LRRC4C: variants seen among roughly 807,000 people sequenced by gnomAD.
The protein encoded by LRRC4C is leucine-rich repeat-containing protein 4C.
LRRC4C carries 5 observed loss-of-function variants against 33.6 expected under a neutral mutation model. The ratio of observed to expected loss-of-function variants is 0.15; its 90% CI spans 0.08 to 0.31. The LOEUF is 0.31. Ranked by LOEUF, LRRC4C falls within the 10% of genes least tolerant of loss-of-function variation. The pLI is 1.00. For synonymous variants in LRRC4C, 329 were observed against 302.0 expected, an observed-to-expected ratio of 1.09 and a Z score of -0.93; for missense variants, 560 against 796.7, an observed-to-expected ratio of 0.70 and a Z score of 3.58.
chr11:40,727,065 G>C (rs1947320101), intron 2 of LRRC4C, among the ~76,000 whole-genome samples: 1 of 152,068 alleles, frequency 6.6e-6, no homozygotes, highest in Non-Finnish European at 1.5e-5. Context: ...ATCTCTACAA[G>C]GAGAACTAGA....
chr11:40,169,052 G>C (rs1164179068), intron 5 of LRRC4C, among the ~76,000 whole-genome samples: 2 of 151,852 alleles, frequency 1.3e-5, no homozygotes, highest in Non-Finnish European at 2.9e-5. Flanking sequence ...CTTTGCAACG[G>C]AGCATTTTAA....
chr11:40,681,910 A>G lies in LRRC4C; in HGVS notation c.-406-33632T>C, dbSNP rs536075953. On this transcript the variant is annotated intron_variant, in intron 2 of 6. Transcript: ENST00000528697. ...AGCTAAGCTATGAGGACACAGAGGC[A>G]TAAAAATGATTCAATGGACTTTGGG... Among the ~76,000 whole-genome samples the G allele has an allele frequency of 2.6e-5, 4 of 152,314 alleles. No individual in the cohort carries two copies. In the South Asian group the frequency reaches 8.3e-4, roughly 32 times the overall value.
intron 3 of LRRC4C, among the ~76,000 whole-genome samples, chr11:40,644,043 G>A (rs190455718): frequency 2.6e-5 from 4 of 152,154 alleles, no homozygotes; most frequent in Admixed American, 1.3e-4. Flanking sequence ...TGGACACCCA[G>A]CAAATGCCAT....
At chr11:40,497,155 C>T (rs1335362280) in intron 3 of LRRC4C, among the ~76,000 whole-genome samples, 1 of 152,106 alleles carries the variant, frequency 6.6e-6, no homozygotes, top group African/African-American at 2.4e-5. Flanking sequence ...CCTGTAATCC[C>T]AGCAATTTGG....
chr11:40,521,219 A>G (rs1050718807), intron 3 of LRRC4C, among the ~76,000 whole-genome samples: 1 of 152,232 alleles, frequency 6.6e-6, no homozygotes, highest in African/African-American at 2.4e-5. Flanking sequence ...GGAAAAATTG[A>G]CAAAATATCT....
intron 1 of LRRC4C, among the ~76,000 whole-genome samples, chr11:41,113,407 A>G (rs1941952098): frequency 6.6e-6 from 1 of 152,092 alleles, no homozygotes; most frequent in Admixed American, 6.6e-5. Flanking sequence ...ATTAAGCAGC[A>G]TGTGTTCTGT....
At chr11:40,287,254 GTA>G (rs998747486) in intron 4 of LRRC4C, among the ~76,000 whole-genome samples, 20 of 102,196 alleles carry the variant, frequency 2.0e-4, no homozygotes, top group Admixed American at 8.7e-4. Context: ...TAATGTCACT[GTA>G]TGTGTGTGTG....
chr11:40,679,121 T>C (rs1944553844), intron 2 of LRRC4C, among the ~76,000 whole-genome samples: 1 of 152,204 alleles, frequency 6.6e-6, no homozygotes, highest in Admixed American at 6.5e-5. Context: ...TGTTATGTTT[T>C]AGCAAAGAGA....
At chr11:41,439,811 G>T (rs562092801) in intron 1 of LRRC4C, among the ~76,000 whole-genome samples, 1 of 152,028 alleles carries the variant, frequency 6.6e-6, no homozygotes, top group Non-Finnish European at 1.5e-5. Context: ...AAAGGAATAG[G>T]GTTTTGATGG....
intron 4 of LRRC4C, among the ~76,000 whole-genome samples, chr11:40,279,706 A>C (rs72891095): frequency 0.075 from 11,343 of 152,170 alleles, 534 homozygotes; most frequent in African/African-American, 0.12. Flanking sequence ...GAAACCACAG[A>C]TCTAAGAGGT....
At chr11:41,346,635 A>G (rs1025432751) in intron 1 of LRRC4C, among the ~76,000 whole-genome samples, 1 of 152,226 alleles carries the variant, frequency 6.6e-6, no homozygotes, top group African/African-American at 2.4e-5. Flanking sequence ...ATAATTCTGT[A>G]GTCAAAAAGT....
intron 1 of LRRC4C, among the ~76,000 whole-genome samples, chr11:41,192,048 A>G (rs980894526): frequency 2.6e-5 from 4 of 152,136 alleles, no homozygotes; most frequent in African/African-American, 9.6e-5. Flanking sequence ...TGGACCCTAG[A>G]TAGCCACACA....
At chr11:40,606,858 C>T (rs1419970679) in intron 3 of LRRC4C, among the ~76,000 whole-genome samples, 1 of 152,036 alleles carries the variant, frequency 6.6e-6, no homozygotes, top group Non-Finnish European at 1.5e-5. Context: ...TCATAAAGTG[C>T]AATAGATTCC....
intron 1 of LRRC4C, among the ~76,000 whole-genome samples, chr11:41,242,625 T>C (rs950910500): frequency 6.6e-6 from 1 of 152,162 alleles, no homozygotes; most frequent in Non-Finnish European, 1.5e-5. Context: ...TTATTAATCA[T>C]TCATGAGGTG....
intron 4 of LRRC4C, among the ~76,000 whole-genome samples, chr11:40,308,809 G>A (rs1259992576): frequency 1.3e-5 from 2 of 152,164 alleles, no homozygotes; most frequent in Non-Finnish European, 2.9e-5. Context: ...GAGATTAAGA[G>A]TGATAGATTC....
At chr11:41,398,199 T>C (rs190543781) in intron 1 of LRRC4C, among the ~76,000 whole-genome samples, 1 of 151,974 alleles carries the variant, frequency 6.6e-6, no homozygotes, top group Admixed American at 6.6e-5. Flanking sequence ...GCCTCAGGGG[T>C]CACATTTCAC....
intron 2 of LRRC4C, among the ~76,000 whole-genome samples, chr11:40,723,489 A>G (rs927738435): frequency 5.3e-5 from 8 of 152,182 alleles, no homozygotes; most frequent in African/African-American, 1.9e-4. Context: ...TCAACCAAAA[A>G]TTTTATATCC....
chr11:40,613,207 G>C (rs1451143854), intron 3 of LRRC4C, among the ~76,000 whole-genome samples: 1 of 151,764 alleles, frequency 6.6e-6, no homozygotes, highest in Non-Finnish European at 1.5e-5. Flanking sequence ...CTGTAGCATG[G>C]GATGTTGTTT....
At chr11:40,389,530 C>T (rs1474285835) in intron 3 of LRRC4C, among the ~76,000 whole-genome samples, 1 of 151,498 alleles carries the variant, frequency 6.6e-6, no homozygotes, top group Non-Finnish European at 1.5e-5. Flanking sequence ...TTTTAAATAT[C>T]TAGAAACTAG....
Sources: allele counts gnomAD v4.1 joint callset (sites outside exome capture counted in the v4.1 genomes callset), GRCh38; gene constraint gnomAD v4.1.1; transcripts MANE v1.5; gene names NCBI Gene and HGNC (gene_info 2026-07-23, HGNC 2026-07-21).